Variants in STK40 observed in about 807,000 individuals in gnomAD.
The protein encoded by STK40 is serine/threonine kinase 40, also known as serine/threonine-protein kinase 40.
In STK40, 13 loss-of-function variants were observed where a neutral mutation model predicts 47.9. The observed-to-expected ratio is 0.27, with a 90% confidence interval of 0.18 to 0.43. STK40 has a LOEUF of 0.43. Among genes scored for constraint, STK40 ranks in the 20% least tolerant of loss-of-function variants. STK40 has a pLI of 1.00. For synonymous variants in STK40, 225 were observed against 243.2 expected (o/e 0.93, Z 0.69); for missense variants, 460 against 595.1 (o/e 0.77, Z 2.36).
intron 3 of STK40, 106 bp downstream of exon 3, chr1:36,358,631 G>T (rs550171111): frequency 1.5e-6 from 2 of 1,293,822 alleles, no homozygotes; most frequent in Non-Finnish European, 2.2e-6. Context: ...AAGAAATGGC[G>T]CTACTCTTGT....
intron 2 of STK40, among the ~76,000 whole-genome samples, chr1:36,359,310 G>T (rs1646832251): frequency 6.6e-6 from 1 of 152,210 alleles, no homozygotes; most frequent in African/African-American, 2.4e-5. Context: ...GAAGGCTGAG[G>T]TGGGAGGATC....
At position 36,385,841 on chromosome 1, in the gene STK40, C is replaced by G. The variant is rs191261384; in HGVS notation, c.-127G>C. The G allele has an allele frequency of 0.097, 17,122 of 176,868 alleles. 1,003 individuals carry two copies. The highest frequency in any genetic ancestry group is 0.25 in the Middle Eastern group (93 of 376). 11.0% of individuals were successfully genotyped at this position (176,868 alleles called of 1,614,324 possible). On this transcript the variant is annotated 5_prime_UTR_variant, in exon 1 of 11. Coordinates refer to ENST00000373132, the MANE Select transcript of STK40 (RefSeq NM_001282547.2). ...AGGCGTGCGAGCCTCTCACCGCCGC[C>G]TCCCAGCGCAGCCACCCGAGCCGCC...
intron 6 of STK40, among the ~76,000 whole-genome samples, chr1:36,353,831 A>C (rs1361789630): frequency 1.3e-5 from 2 of 152,048 alleles, no homozygotes; most frequent in Non-Finnish European, 2.9e-5. Flanking sequence ...TTCACAGTAA[A>C]CCTTCTGCAC....
chr1:36,360,375 C>T (rs947773797), intron 2 of STK40, among the ~76,000 whole-genome samples: 9 of 152,210 alleles, frequency 5.9e-5, no homozygotes, highest in Admixed American at 2.0e-4. Flanking sequence ...GCTCCTCTGG[C>T]CAACTGCCAA....
Position 36,385,815 on chromosome 1 carries a change from G to C in STK40, c.-101C>G, listed in dbSNP as rs1471219345. 1 of 172,484 alleles carries C rather than the reference G, an allele frequency of 5.8e-6. No individual in the cohort carries two copies. 10.7% of individuals were successfully genotyped at this position (172,484 alleles called of 1,614,324 possible). A position where few individuals can be genotyped will look rare whatever the true frequency, so the allele number is the denominator to read the frequency against. ...CTCCCGGGGGGCCGGGGCCGGGCTG[G>C]AGGCGTGCGAGCCTCTCACCGCCGC... On this transcript the variant is annotated 5_prime_UTR_variant, in exon 1 of 11. Coordinates refer to ENST00000373132, the MANE Select transcript of STK40 (RefSeq NM_001282547.2).
At chr1:36,343,725 T>C in intron 9 of STK40, 135 bp downstream of exon 9, 2 of 1,407,114 alleles carry the variant, frequency 1.4e-6, no homozygotes, top group Non-Finnish European at 1.9e-6. Context: ...CTCCCAATCT[T>C]GTCCATGCAG....
At chr1:36,362,738 G>A (rs1646863583) in intron 1 of STK40, 1 of 152,218 alleles carries the variant, frequency 6.6e-6, no homozygotes, top group Non-Finnish European at 1.5e-5. Context: ...TATAACTGCT[G>A]TTAACATTCA....
intron 1 of STK40, among the ~76,000 whole-genome samples, chr1:36,375,790 G>A (rs1408533677): frequency 6.6e-6 from 1 of 152,154 alleles, no homozygotes; most frequent in Non-Finnish European, 1.5e-5. Context: ...GGAGGCTGAG[G>A]CGGGTGGATC....
At chr1:36,372,139 A>T (rs1646953702) in intron 1 of STK40, among the ~76,000 whole-genome samples, 1 of 152,146 alleles carries the variant, frequency 6.6e-6, no homozygotes, top group African/African-American at 2.4e-5. Context: ...GTACATAATG[A>T]TAACTGATCA....
At chr1:36,360,043 T>C (rs901223791) in intron 2 of STK40, among the ~76,000 whole-genome samples, 4 of 152,210 alleles carry the variant, frequency 2.6e-5, no homozygotes, top group African/African-American at 9.6e-5. Context: ...TCTCACGTCA[T>C]CGTGGAACTT....
At chr1:36,356,418 CTTTTTTTTTTT>C (rs1002682531) in intron 4 of STK40, among the ~76,000 whole-genome samples, 8 of 116,810 alleles carry the variant, frequency 6.8e-5, no homozygotes, top group East Asian at 4.4e-4. Context: ...TCTTCTTTTT[CTTTTTTTTTTT>C]TTTTTTTTTT....
At position 36,341,651 on chromosome 1, in the gene STK40, G is replaced by T; in HGVS notation, c.*104C>A. 1 of 1,405,346 alleles carries T rather than the reference G, an allele frequency of 7.1e-7. No individual in the cohort carries two copies. Among genetic ancestry groups the T allele is most frequent in the Non-Finnish European group, 9.8e-7 (1 of 1,022,590 alleles). The allele number at this position is 1,405,346 out of a possible 1,614,324, so 87.1% of individuals were successfully genotyped here. ...TCCCTGTCCCTGCCCTGTCCCTATT[G>T]TGGCCCGGGAGAGTCCAGCACTACA... On this transcript the variant is annotated 3_prime_UTR_variant, in exon 11 of 11. Coordinates refer to ENST00000373132, the MANE Select transcript of STK40 (RefSeq NM_001282547.2).
chr1:36,353,187 C>G (rs1308623648), intron 6 of STK40, among the ~76,000 whole-genome samples: 1 of 152,214 alleles, frequency 6.6e-6, no homozygotes, highest in Non-Finnish European at 1.5e-5. Context: ...CTTTGTAAGC[C>G]CTTCAACCTG....
chr1:36,345,980 T>G (rs1424164453), intron 7 of STK40, among the ~76,000 whole-genome samples: 2 of 17,368 alleles, frequency 1.2e-4, no homozygotes, highest in Non-Finnish European at 3.2e-4. Context: ...TATATATATA[T>G]ATATATATAT....
Position 36,381,638 on chromosome 1 carries a change from C to A in STK40, c.-9+4085G>T, listed in dbSNP as rs747859930. On this transcript the variant is annotated intron_variant, in intron 1 of 10. Coordinates refer to ENST00000373132, the MANE Select transcript of STK40 (RefSeq NM_001282547.2). ...CTGGAACTACAGGTACATGCCACCA[C>A]GCTTAACTAATTTTTTTCTTTTTTA... 6.8e-4 allele frequency among the ~76,000 whole-genome samples: 103 copies of A among 152,228 alleles called. 2 individuals carry two copies. The Middle Eastern group carries it at 0.01, about 15-fold the overall frequency.
chr1:36,342,073 G>T, intron 10 of STK40, 100 bp from the exon 11 acceptor site: 2 of 1,133,912 alleles, frequency 1.8e-6, no homozygotes, highest in Non-Finnish European at 2.5e-6. Flanking sequence ...CCTGGCTCCT[G>T]CAGTCACCCT....
intron 1 of STK40, among the ~76,000 whole-genome samples, chr1:36,372,428 A>C (rs2124748316): frequency 6.8e-6 from 1 of 146,918 alleles, no homozygotes; most frequent in Non-Finnish European, 1.5e-5. Flanking sequence ...TGTCTCAAAA[A>C]AAAAAAAAAA....
chr1:36,379,481 A>C (rs1028721562), intron 1 of STK40, among the ~76,000 whole-genome samples: 1 of 150,024 alleles, frequency 6.7e-6, no homozygotes. Context: ...TCCTGGGTTC[A>C]CGCCATTCCC....
intron 1 of STK40, among the ~76,000 whole-genome samples, chr1:36,370,206 G>C (rs1557520772): frequency 6.6e-6 from 1 of 152,240 alleles, no homozygotes; most frequent in Non-Finnish European, 1.5e-5. Context: ...AATTAAAACT[G>C]TTCATAACAT....
Sources: allele counts gnomAD v4.1 joint callset (sites outside exome capture counted in the v4.1 genomes callset), GRCh38; gene constraint gnomAD v4.1.1; transcripts MANE v1.5; gene names NCBI Gene and HGNC (gene_info 2026-07-23, HGNC 2026-07-21).